Variants in SEMA3E observed in about 807,000 individuals in gnomAD.
The protein encoded by SEMA3E is semaphorin-3E.
Under a neutral mutation model 93.6 loss-of-function variants are expected in SEMA3E, and 49 were observed. That is an observed-to-expected ratio of 0.52 (90% CI 0.42 to 0.66). SEMA3E has a LOEUF of 0.66. SEMA3E is among the 30% of genes least tolerant of loss of function. SEMA3E has a pLI of 0.00. For missense variants in SEMA3E, 906 were observed against 964.8 expected (o/e 0.94, Z 0.81); for synonymous variants, 363 against 330.7 (o/e 1.10, Z -1.06).
chr7:83,467,456 C>A (rs1329962359), intron 3 of SEMA3E, among the ~76,000 whole-genome samples: 1 of 152,122 alleles, frequency 6.6e-6, no homozygotes, highest in South Asian at 2.1e-4. Flanking sequence ...AACTAACCAA[C>A]AAAAATAACA....
chr7:83,528,996 AG>A (rs973329403), intron 1 of SEMA3E, among the ~76,000 whole-genome samples: 1 of 152,136 alleles, frequency 6.6e-6, no homozygotes, highest in Non-Finnish European at 1.5e-5. Context: ...CTTCCAGACA[AG>A]GTCTGAGCTT....
At chr7:83,418,191 A>T (rs1262112997) in intron 5 of SEMA3E, among the ~76,000 whole-genome samples, 199 bp downstream of exon 5, 4 of 152,196 alleles carry the variant, frequency 2.6e-5, no homozygotes, top group Non-Finnish European at 5.9e-5. Flanking sequence ...CACACACTTT[A>T]TAGCATCTGC....
intron 1 of SEMA3E, among the ~76,000 whole-genome samples, chr7:83,495,669 T>C (rs2115577918): frequency 6.6e-6 from 1 of 152,024 alleles, no homozygotes; most frequent in Non-Finnish European, 1.5e-5. Context: ...ATATCAACAC[T>C]GTTCTGTGAA....
At chr7:83,621,322 G>A (rs1431193782) in intron 1 of SEMA3E, among the ~76,000 whole-genome samples, 1 of 151,916 alleles carries the variant, frequency 6.6e-6, no homozygotes, top group Non-Finnish European at 1.5e-5. Context: ...AGAACTACAA[G>A]CCAGTGCTCA....
intron 9 of SEMA3E, 78 bp from the exon 10 acceptor site, chr7:83,402,854 A>G (rs1260892301): frequency 1.4e-5 from 19 of 1,403,028 alleles, no homozygotes; most frequent in African/African-American, 4.3e-5. Flanking sequence ...GCCTACAAAG[A>G]TAAGAGTCAA....
At chr7:83,490,610 C>T (rs769178421) in intron 1 of SEMA3E, among the ~76,000 whole-genome samples, 7 of 151,810 alleles carry the variant, frequency 4.6e-5, no homozygotes, top group Non-Finnish European at 1.0e-4. Flanking sequence ...TACATTAAAC[C>T]CACCAGAGTG....
chr7:83,387,963 A>G (rs1031567007), intron 14 of SEMA3E, among the ~76,000 whole-genome samples: 2 of 146,736 alleles, frequency 1.4e-5, no homozygotes, highest in Non-Finnish European at 3.0e-5. Context: ...TATTATATGT[A>G]TATGTAATTC....
chr7:83,637,496 T>G (rs539770209), intron 1 of SEMA3E, among the ~76,000 whole-genome samples: 1 of 152,260 alleles, frequency 6.6e-6, no homozygotes. Context: ...AATCTCACCT[T>G]GAATTGTAAT....
chr7:83,609,970 T>G (rs1028438767), intron 1 of SEMA3E, among the ~76,000 whole-genome samples: 2 of 151,932 alleles, frequency 1.3e-5, no homozygotes, highest in African/African-American at 4.8e-5. Context: ...GAAAGGAAAT[T>G]AAACGAAATA....
At chr7:83,622,226 G>A (rs982126854) in intron 1 of SEMA3E, among the ~76,000 whole-genome samples, 2 of 152,000 alleles carry the variant, frequency 1.3e-5, no homozygotes, top group African/African-American at 4.8e-5. Flanking sequence ...ATAAACATAT[G>A]AGAAGCTCAA....
intron 1 of SEMA3E, among the ~76,000 whole-genome samples, chr7:83,608,743 A>C (rs1024363795): frequency 1.3e-5 from 2 of 152,126 alleles, no homozygotes; most frequent in African/African-American, 4.8e-5. Context: ...ATTCGTATGC[A>C]AGATTTTTAG....
At chr7:83,486,469 C>A (rs568657290) in intron 2 of SEMA3E, among the ~76,000 whole-genome samples, 2 of 152,074 alleles carry the variant, frequency 1.3e-5, no homozygotes, top group East Asian at 3.9e-4. Flanking sequence ...AAAGTCCAGA[C>A]AAGACAGGAG....
chr7:83,431,419 AT>A lies in SEMA3E; in HGVS notation c.457-12937del, dbSNP rs543222616. On this transcript the variant is annotated intron_variant, in intron 4 of 16. Transcript: ENST00000643230. ...AAACACTAACGGGTAAGTTAAAAAA[AT>A]AATATAATATGATTAAGGGTTATCA... 2.8e-3 allele frequency among the ~76,000 whole-genome samples: 423 copies of A among 152,110 alleles called. 3 individuals carry two copies. Among genetic ancestry groups the A allele is most frequent in the African/African-American group, 8.5e-3 (351 of 41,422 alleles).
At chr7:83,462,699 G>T (rs1352392291) in intron 4 of SEMA3E, among the ~76,000 whole-genome samples, 1 of 150,048 alleles carries the variant, frequency 6.7e-6, no homozygotes, top group Non-Finnish European at 1.5e-5. Flanking sequence ...GTTATCACTC[G>T]CCTGCTACAG....
At chr7:83,574,903 G>A (rs982097466) in intron 1 of SEMA3E, among the ~76,000 whole-genome samples, 8 of 152,164 alleles carry the variant, frequency 5.3e-5, no homozygotes, top group Non-Finnish European at 1.0e-4. Flanking sequence ...ACAGAACCAC[G>A]AACTAAAGTG....
chr7:83,429,580 T>C (rs1257534805), intron 4 of SEMA3E, among the ~76,000 whole-genome samples: 1 of 152,176 alleles, frequency 6.6e-6, no homozygotes, highest in African/African-American at 2.4e-5. Context: ...TCAAATATGA[T>C]CATGCCAGCC....
intron 1 of SEMA3E, among the ~76,000 whole-genome samples, chr7:83,571,559 A>T (rs768862146): frequency 1.2e-4 from 19 of 152,176 alleles, no homozygotes; most frequent in Non-Finnish European, 2.5e-4. Context: ...ACCAGGCAGC[A>T]AGAAAACATA....
intron 1 of SEMA3E, among the ~76,000 whole-genome samples, chr7:83,528,896 A>T (rs1328525152): frequency 6.6e-6 from 1 of 152,098 alleles, no homozygotes; most frequent in Non-Finnish European, 1.5e-5. Flanking sequence ...AATGAATTAT[A>T]CTATAAAGGG....
rs750260369 is a variant in SEMA3E, at chr7:83,392,695, A to G, written c.1527T>C (p.Ser509=). 4 of 1,613,934 alleles carry G rather than the reference A, an allele frequency of 2.5e-6. No homozygotes were observed. The East Asian group carries it at 6.7e-5, about 27-fold the overall frequency. ...KRQQLYIGSA[S]AVAQVRFHHC... ...GATGGAATCTGACTTGAGCCACAGC[A>G]GAAGCAGATCCAATATACAGCTGTT... The change falls in exon 14 of 17, where the codon TCT becomes TCC. Residue 509 remains serine (S), a synonymous_variant. Coordinates refer to ENST00000643230, the MANE Select transcript of SEMA3E (RefSeq NM_012431.3).
Sources: gnomAD v4.1 joint callset for allele counts (sites outside exome capture counted in the v4.1 genomes callset) on GRCh38, gnomAD v4.1.1 for gene constraint, MANE v1.5 for transcripts, NCBI Gene and HGNC (gene_info 2026-07-23, HGNC 2026-07-21) for gene names.